The following EVC variants were observed in gnomAD, a reference collection of about 807,000 sequenced individuals.
EVC encodes EvC ciliary complex subunit 1, also known as evC complex member EVC.
A neutral mutation model predicts 118.9 loss-of-function variants in EVC; 116 were observed. That is an observed-to-expected ratio of 0.98 (90% CI 0.84 to 1.14). The LOEUF is 1.14. EVC is among the 50% of genes most tolerant of loss of function. The probability of loss-of-function intolerance (pLI) is 0.00; values close to 1 mark genes in which losing one functional copy is unlikely to be tolerated. For missense variants in EVC, 1,401 were observed against 1,246.4 expected (o/e 1.12, Z -1.87); for synonymous variants, 619 against 534.7 (o/e 1.16, Z -2.18).
At position 5,713,838 on chromosome 4, in the gene EVC, G is replaced by C. The variant is rs544068304; in HGVS notation, c.174+2284G>C. On this transcript the variant is annotated intron_variant, in intron 1 of 20. Coordinates refer to ENST00000264956, the MANE Select transcript of EVC (RefSeq NM_153717.3). ...GAATCGCTTGAACCCAGGAGGTGGA[G>C]GTTGCAGTGAGCCAAGATCATGCCA... is the stretch of plus-strand genomic sequence containing the variant. Among the ~76,000 whole-genome samples the C allele has an allele frequency of 2.0e-5, 3 of 152,306 alleles. No individual in the cohort carries two copies. The East Asian group carries it at 5.8e-4, about 29-fold the overall frequency.
downstream of EVC, among the ~76,000 whole-genome samples, chr4:5,816,095 C>A (rs1309812980): frequency 1.3e-5 from 2 of 152,090 alleles, no homozygotes; most frequent in Non-Finnish European, 2.9e-5. Context: ...AGCCCCATCC[C>A]AGAGATTCTG....
chr4:5,782,722 G>A (rs1311828013), intron 11 of EVC, among the ~76,000 whole-genome samples: 1 of 152,056 alleles, frequency 6.6e-6, no homozygotes, highest in African/African-American at 2.4e-5. Flanking sequence ...TCTCTGAGCT[G>A]CCTGGAAGCC....
chr4:5,785,978 A>C (rs2152299160), intron 12 of EVC, among the ~76,000 whole-genome samples: 1 of 152,272 alleles, frequency 6.6e-6, no homozygotes, highest in East Asian at 1.9e-4. Context: ...CCACTAAATG[A>C]GTGTAGGGGC....
At chr4:5,796,860 C>T (rs1714053984) in intron 13 of EVC, among the ~76,000 whole-genome samples, 162 bp from the exon 14 acceptor site, 2 of 151,704 alleles carry the variant, frequency 1.3e-5, no homozygotes, top group Admixed American at 6.6e-5. Context: ...GGCGTGGTGC[C>T]CAGGGAGCAC....
chr4:5,748,518 A>ATCCATCCATCCATCTACGTG (rs1729727352), intron 8 of EVC, among the ~76,000 whole-genome samples: 2 of 151,496 alleles, frequency 1.3e-5, no homozygotes, highest in Non-Finnish European at 2.9e-5. Context: ...TGACCCTTCC[A>ATCCATCCATCCATCTACGTG]TCCATCCATC....
At chr4:5,751,848 G>A (rs971355361) in intron 8 of EVC, among the ~76,000 whole-genome samples, 2 of 152,178 alleles carry the variant, frequency 1.3e-5, no homozygotes, top group African/African-American at 4.8e-5. Flanking sequence ...GGTGTTCCAG[G>A]AGGAAGGCCC....
Position 5,729,397 on chromosome 4 carries a change from G to A in EVC, c.384+7G>A. The A allele has an allele frequency of 1.2e-6, 2 of 1,613,710 alleles. No homozygotes were observed. The highest frequency in any genetic ancestry group is 1.7e-6 in the Non-Finnish European group (2 of 1,179,636). On this transcript the variant is annotated splice_region_variant and intron_variant, in intron 3 of 20. Coordinates refer to ENST00000264956, the MANE Select transcript of EVC (RefSeq NM_153717.3). ...CATCAATCAGAAGTTCCGGGTGAGA[G>A]TCCTGAGCTCCATCATAGAAAGCCA...
intron 1 of EVC, among the ~76,000 whole-genome samples, chr4:5,714,811 T>G (rs1388130313): frequency 6.6e-6 from 1 of 152,152 alleles, no homozygotes; most frequent in Admixed American, 6.5e-5. Context: ...TTGTTTGTTT[T>G]TTGTTTTGTT....
intron 11 of EVC, among the ~76,000 whole-genome samples, chr4:5,778,107 C>T (rs62297672): frequency 1.4e-3 from 206 of 150,102 alleles, no homozygotes; most frequent in Non-Finnish European, 2.3e-3. Context: ...TTTGTTCTTG[C>T]GATAGTTTAC....
intron 17 of EVC, among the ~76,000 whole-genome samples, chr4:5,807,400 C>A (rs7656647): frequency 4.6e-5 from 7 of 152,052 alleles, no homozygotes; most frequent in Non-Finnish European, 1.0e-4. Context: ...TTTCACACCT[C>A]GGAGCACTCC....
Position 5,746,579 on chromosome 4 carries a change from G to A in EVC, c.939+1238G>A, listed in dbSNP as rs1260452793. 6.6e-6 allele frequency among the ~76,000 whole-genome samples: 1 copy of A among 152,166 alleles called. No homozygotes were observed. Among genetic ancestry groups the A allele is most frequent in the Non-Finnish European group, 1.5e-5 (1 of 68,038 alleles). ...GACTTTGAGGGCCAGAATGTTCTTAGAACTGTGGGCCAGGATGCTAAGGAA... is the reference window on the plus strand; with the variant it reads ...GACTTTGAGGGCCAGAATGTTCTTAAAACTGTGGGCCAGGATGCTAAGGAA... On this transcript the variant is annotated intron_variant, in intron 7 of 20. Coordinates refer to ENST00000264956, the MANE Select transcript of EVC (RefSeq NM_153717.3). The surrounding 1 kb of genome is among the most constrained non-coding windows in gnomAD (Gnocchi z 5.8).
At chr4:5,794,159 CAATT>C (rs1713316475) in intron 13 of EVC, among the ~76,000 whole-genome samples, 1 of 149,410 alleles carries the variant, frequency 6.7e-6, no homozygotes, top group Non-Finnish European at 1.5e-5. Context: ...TTTGCTATAA[CAATT>C]AGTGCAATAT....
Position 5,731,366 on chromosome 4 carries a change from A to T in EVC, c.385-59A>T. The T allele has an allele frequency of 7.5e-7, 1 of 1,337,098 alleles. No individual in the cohort carries two copies. Among genetic ancestry groups the T allele is most frequent in the Non-Finnish European group, 1.1e-6 (1 of 928,122 alleles). 82.8% of individuals were successfully genotyped at this position (1,337,098 alleles called of 1,614,324 possible). On this transcript the variant is annotated intron_variant, in intron 3 of 20. Coordinates refer to ENST00000264956, the MANE Select transcript of EVC (RefSeq NM_153717.3). The surrounding 1 kb of genome is among the most constrained non-coding windows in gnomAD (Gnocchi z 5.6). ...GTGAATCACTGGTAGAATTATGAAT[A>T]CTAGATCAAATCCCAGAGGCATCAC...
At chr4:5,804,662 C>G in intron 16 of EVC, 68 bp from the exon 17 acceptor site, 1 of 1,421,410 alleles carries the variant, frequency 7.0e-7, no homozygotes, top group Non-Finnish European at 9.9e-7. Flanking sequence ...ACCCCAGCAC[C>G]TGCCCCAGAC....
chr4:5,799,779 C>T (rs1714644358), intron 15 of EVC, among the ~76,000 whole-genome samples: 1 of 152,182 alleles, frequency 6.6e-6, no homozygotes, highest in African/African-American at 2.4e-5. Flanking sequence ...AGCAAAGAGG[C>T]TGGACCCACA....
intron 5 of EVC, among the ~76,000 whole-genome samples, chr4:5,734,056 G>A (rs191220894): frequency 8.9e-4 from 135 of 152,334 alleles, no homozygotes; most frequent in African/African-American, 3.0e-3. Flanking sequence ...ATTAGTCTCT[G>A]CCAGATGCAC....
chr4:5,748,591 TCCATCCATCCAC>T (rs1465940948), intron 8 of EVC, among the ~76,000 whole-genome samples: 1 of 115,398 alleles, frequency 8.7e-6, no homozygotes, highest in Non-Finnish European at 1.8e-5. Flanking sequence ...CACCCATCCA[TCCATCCATCCAC>T]CCATCCATCC....
At chr4:5,793,121 C>A (rs551823279) in intron 12 of EVC, among the ~76,000 whole-genome samples, 3 of 152,098 alleles carry the variant, frequency 2.0e-5, no homozygotes, top group Non-Finnish European at 2.9e-5. Flanking sequence ...GCAGGACCTA[C>A]CCTCGCTGCA....
At chr4:5,784,093 G>T (rs1385620173) in intron 12 of EVC, among the ~76,000 whole-genome samples, 1 of 152,174 alleles carries the variant, frequency 6.6e-6, no homozygotes, top group African/African-American at 2.4e-5. Flanking sequence ...GTGGGGGTGG[G>T]AGAAGCGGCA....
Sources: gnomAD v4.1 joint callset for allele counts (sites outside exome capture counted in the v4.1 genomes callset) on GRCh38, gnomAD v4.1.1 for gene constraint, Gnocchi (gnomAD v3.1) non-coding constraint, MANE v1.5 for transcripts, NCBI Gene and HGNC (gene_info 2026-07-23, HGNC 2026-07-21) for gene names.